The following ZCCHC24 variants were observed in gnomAD, a reference collection of about 807,000 sequenced individuals.
The protein encoded by ZCCHC24 is zinc finger CCHC-type containing 24.
Under a neutral mutation model 26.2 loss-of-function variants are expected in ZCCHC24, and 10 were observed. The ratio of observed to expected loss-of-function variants is 0.38; its 90% CI spans 0.24 to 0.65. The LOEUF is 0.65. Ranked by LOEUF, ZCCHC24 falls within the 30% of genes least tolerant of loss-of-function variation. The probability of loss-of-function intolerance (pLI) is 0.54; values close to 1 mark genes in which losing one functional copy is unlikely to be tolerated. For synonymous variants in ZCCHC24, 144 were observed against 147.1 expected (o/e 0.98, Z 0.15); for missense variants, 243 against 329.1 (o/e 0.74, Z 2.03).
intron 3 of ZCCHC24, among the ~76,000 whole-genome samples, 195 bp from the exon 4 acceptor site, chr10:79,386,653 G>C (rs1856402131): frequency 6.6e-6 from 1 of 152,148 alleles, no homozygotes. Flanking sequence ...CCCGATGAGG[G>C]GTGGGGAGAG....
chr10:79,435,385 C>T (rs1199769664), intron 1 of ZCCHC24, among the ~76,000 whole-genome samples: 2 of 152,188 alleles, frequency 1.3e-5, no homozygotes, highest in African/African-American at 2.4e-5. Context: ...CCCCTGCCCA[C>T]GGACGGCCCC....
intron 3 of ZCCHC24, among the ~76,000 whole-genome samples, chr10:79,388,784 T>C (rs374662634): frequency 8.4e-6 from 1 of 118,458 alleles, no homozygotes; most frequent in East Asian, 3.5e-4. Flanking sequence ...CGCCACCTAA[T>C]GTCACCACCT....
intron 1 of ZCCHC24, chr10:79,444,047 G>A (rs962214312): frequency 1.8e-5 from 28 of 1,513,866 alleles, no homozygotes; most frequent in South Asian, 2.5e-5. Flanking sequence ...ACACCCTTGC[G>A]TACATAGGCT....
intron 1 of ZCCHC24, among the ~76,000 whole-genome samples, chr10:79,436,704 A>G (rs1857222091): frequency 6.6e-6 from 1 of 152,236 alleles, no homozygotes; most frequent in Non-Finnish European, 1.5e-5. Flanking sequence ...GGCCTGCCCA[A>G]TTGACAGATA....
intron 2 of ZCCHC24, among the ~76,000 whole-genome samples, chr10:79,394,962 A>G (rs1208367870): frequency 2.6e-5 from 4 of 152,246 alleles, no homozygotes; most frequent in African/African-American, 9.6e-5. Context: ...GCATTTACAG[A>G]TGCATATGAC....
intron 2 of ZCCHC24, among the ~76,000 whole-genome samples, chr10:79,400,579 G>A (rs986348391): frequency 6.6e-6 from 1 of 152,238 alleles, no homozygotes. Flanking sequence ...TGAATGAATT[G>A]CCTTTAATGA....
At chr10:79,416,736 C>G (rs1856865956) in intron 2 of ZCCHC24, among the ~76,000 whole-genome samples, 1 of 152,156 alleles carries the variant, frequency 6.6e-6, no homozygotes, top group African/African-American at 2.4e-5. Context: ...TGCTGGGGAA[C>G]ATGTCCAAGC....
intron 2 of ZCCHC24, among the ~76,000 whole-genome samples, chr10:79,416,169 C>A (rs1856857181): frequency 1.3e-5 from 2 of 152,028 alleles, no homozygotes; most frequent in African/African-American, 4.8e-5. Flanking sequence ...TTCGTCATTT[C>A]CAGCTTTGTT....
intron 2 of ZCCHC24, among the ~76,000 whole-genome samples, chr10:79,408,011 G>C (rs1291411226): frequency 6.6e-6 from 1 of 152,206 alleles, no homozygotes; most frequent in Admixed American, 6.5e-5. Context: ...GCAGGAGGCC[G>C]GGCTGCTCAG....
At chr10:79,424,887 C>T (rs1174978240) in intron 2 of ZCCHC24, among the ~76,000 whole-genome samples, 2 of 152,214 alleles carry the variant, frequency 1.3e-5, no homozygotes, top group Non-Finnish European at 2.9e-5. Flanking sequence ...AGGCCTCCCA[C>T]GAAGCTCCAG....
intron 2 of ZCCHC24, among the ~76,000 whole-genome samples, chr10:79,407,233 C>G (rs886273278): frequency 6.6e-6 from 1 of 152,148 alleles, no homozygotes. Context: ...AGACCTGCCC[C>G]CAGGGAGCGC....
chr10:79,412,405 C>T (rs1237809124), intron 2 of ZCCHC24, among the ~76,000 whole-genome samples: 1 of 152,208 alleles, frequency 6.6e-6, no homozygotes, highest in Non-Finnish European at 1.5e-5. Context: ...CCGTGTACAC[C>T]CTCGCCCCTT....
chr10:79,431,201 C>T (rs983599191), intron 2 of ZCCHC24, among the ~76,000 whole-genome samples: 4 of 152,178 alleles, frequency 2.6e-5, no homozygotes, highest in Non-Finnish European at 5.9e-5. Flanking sequence ...GGACAAAGTG[C>T]AACAGGCTAT....
chr10:79,394,149 T>G, intron 3 of ZCCHC24, 127 bp downstream of exon 3: 65 of 1,317,154 alleles, frequency 4.9e-5, no homozygotes, highest in Non-Finnish European at 6.1e-5. Flanking sequence ...CCATTTCAGA[T>G]GAGACAAGGA....
rs1478476931 is a variant in ZCCHC24 at position 79,382,511 on chromosome 10, G to A, written c.*3834C>T. On this transcript the variant is annotated 3_prime_UTR_variant, in exon 4 of 4. Transcript: ENST00000372336. ...CCACGGGTTCTGTTTTGTCTTTTTA[G>A]CTGGACTCACACGTATGGACAGACA... The A allele has an allele frequency of 6.5e-6, 1 of 152,844 alleles. No individual in the cohort carries two copies. The highest frequency in any genetic ancestry group is 2.4e-5 in the African/African-American group (1 of 41,450). 9.5% of individuals were successfully genotyped at this position (152,844 alleles called of 1,614,324 possible). A position where few individuals can be genotyped will look rare whatever the true frequency, so the allele number is the denominator to read the frequency against.
chr10:79,428,398 GTT>G (rs142432344), intron 2 of ZCCHC24, among the ~76,000 whole-genome samples: 1 of 37,022 alleles, frequency 2.7e-5, no homozygotes, highest in Admixed American at 2.2e-4. Context: ...CAGTATTTCA[GTT>G]TTGCAAGATA....
rs1856365752 is a variant in ZCCHC24, at chr10:79,384,683, C to T, written c.*1662G>A. The T allele has an allele frequency of 3.9e-5, 6 of 152,764 alleles. No homozygotes were observed. The highest frequency in any genetic ancestry group is 3.9e-4 in the Admixed American group (6 of 15,282). The allele number at this position is 152,764 out of a possible 1,614,324, so 9.5% of individuals were successfully genotyped here. ...CCATCTTTTCAACTCGCTCCCTGGA[C>T]CCCTGGTTAACACTTCACTGTAACT... On this transcript the variant is annotated 3_prime_UTR_variant, in exon 4 of 4. Coordinates refer to ENST00000372336, the MANE Select transcript of ZCCHC24 (RefSeq NM_153367.4).
chr10:79,412,107 C>T (rs1157477122), intron 2 of ZCCHC24, among the ~76,000 whole-genome samples: 1 of 152,222 alleles, frequency 6.6e-6, no homozygotes, highest in Non-Finnish European at 1.5e-5. Flanking sequence ...TGAGCCTGTG[C>T]CCTGAACTGG....
chr10:79,402,087 C>A (rs1334106949), intron 2 of ZCCHC24, among the ~76,000 whole-genome samples: 2 of 152,226 alleles, frequency 1.3e-5, no homozygotes, highest in Non-Finnish European at 2.9e-5. Flanking sequence ...AGCCCAGGAT[C>A]CTCTGTGTGG....
Sources: gnomAD v4.1 joint callset for allele counts (sites outside exome capture counted in the v4.1 genomes callset) on GRCh38, gnomAD v4.1.1 for gene constraint, MANE v1.5 for transcripts, NCBI Gene and HGNC (gene_info 2026-07-23, HGNC 2026-07-21) for gene names.